The following ME2 variants were observed in gnomAD, a reference collection of about 807,000 sequenced individuals.
ME2 encodes malic enzyme 2.
ME2 carries 60 observed loss-of-function variants against 73.7 expected under a neutral mutation model. The observed-to-expected ratio is 0.81, with a 90% CI of 0.66 to 1.01. ME2 has a LOEUF of 1.01. ME2 is among the 50% of genes least tolerant of loss of function. ME2 has a pLI of 0.00. For synonymous variants in ME2, 199 were observed against 236.9 expected, an observed-to-expected ratio of 0.84 and a Z score of 1.47; for missense variants, 594 against 705.5, an observed-to-expected ratio of 0.84 and a Z score of 1.79.
intron 1 of ME2, among the ~76,000 whole-genome samples, chr18:50,885,334 A>G (rs1456419405): frequency 6.6e-6 from 1 of 152,166 alleles, no homozygotes. Flanking sequence ...CAGCCTGGGC[A>G]ACATAGCAAA....
chr18:50,933,475 A>G (rs1917745138), intron 13 of ME2: 1 of 151,928 alleles, frequency 6.6e-6, no homozygotes, highest in Admixed American at 6.6e-5. Context: ...TTTGCCCCTC[A>G]TGTTTTCCTA....
chr18:50,909,891 G>T (rs1917105539), intron 3 of ME2, among the ~76,000 whole-genome samples: 1 of 152,128 alleles, frequency 6.6e-6, no homozygotes, highest in Admixed American at 6.6e-5. Context: ...AGATAGAGTG[G>T]CTGGTCTTGA....
At chr18:50,908,040 A>G in intron 2 of ME2, 23 bp from the exon 3 acceptor site, 1 of 1,498,300 alleles carries the variant, frequency 6.7e-7, no homozygotes. Flanking sequence ...ATAATTTTTA[A>G]TCCTTTTATT....
At chr18:50,922,874 T>C (rs1917463200) in intron 10 of ME2, among the ~76,000 whole-genome samples, 1 of 152,236 alleles carries the variant, frequency 6.6e-6, no homozygotes, top group Non-Finnish European at 1.5e-5. Context: ...CCTGCTTTAC[T>C]AACCCCTGCA....
intron 1 of ME2, among the ~76,000 whole-genome samples, chr18:50,894,121 A>T (rs1034318770): frequency 6.6e-6 from 1 of 152,228 alleles, no homozygotes; most frequent in Non-Finnish European, 1.5e-5. Flanking sequence ...TAAGCCTCAT[A>T]CAAGTGGTCT....
At chr18:50,909,211 G>A (rs543399995) in intron 3 of ME2, among the ~76,000 whole-genome samples, 6 of 152,044 alleles carry the variant, frequency 3.9e-5, no homozygotes, top group South Asian at 4.1e-4. Flanking sequence ...CAATCTGCCC[G>A]CCTTGGCCTC....
chr18:50,925,667 T>G, intron 11 of ME2, 89 bp from the exon 12 acceptor site: 1 of 1,058,298 alleles, frequency 9.4e-7, no homozygotes, highest in African/African-American at 1.6e-5. Context: ...GTGTTTTTAT[T>G]ATTGTAGGCC....
chr18:50,901,275 C>T (rs1481849519), intron 2 of ME2, among the ~76,000 whole-genome samples: 1 of 152,176 alleles, frequency 6.6e-6, no homozygotes, highest in African/African-American at 2.4e-5. Context: ...TCTCCTGAAT[C>T]GTTTGCCTTC....
chr18:50,942,845 G>A, intron 15 of ME2: 3 of 240,748 alleles, frequency 1.2e-5, no homozygotes, highest in Non-Finnish European at 2.3e-5. Context: ...GAATTGTTGA[G>A]TTTTTAATTG....
At chr18:50,940,193 GT>G (rs1459241144) in intron 14 of ME2, 94 bp from the exon 15 acceptor site, 3 of 823,206 alleles carry the variant, frequency 3.6e-6, no homozygotes. Context: ...TATATTACCT[GT>G]TTTACTCTCT....
At chr18:50,930,825 A>G (rs1917675393) in intron 12 of ME2, among the ~76,000 whole-genome samples, 1 of 152,222 alleles carries the variant, frequency 6.6e-6, no homozygotes, top group Non-Finnish European at 1.5e-5. Context: ...ATCATCAAAG[A>G]AACAAAATTT....
At chr18:50,893,068 C>T (rs930770471) in intron 1 of ME2, among the ~76,000 whole-genome samples, 42 of 135,126 alleles carry the variant, frequency 3.1e-4, no homozygotes, top group African/African-American at 1.1e-3. Flanking sequence ...GAGGTTGTAG[C>T]GAGCCAAGAT....
At chr18:50,926,948 C>A (rs184817682) in intron 12 of ME2, among the ~76,000 whole-genome samples, 160 of 152,314 alleles carry the variant, frequency 1.1e-3, no homozygotes, top group African/African-American at 3.7e-3. Flanking sequence ...TTTTTACTCT[C>A]TTCAAATGCA....
chr18:50,879,453 G>C (rs1916259178), intron 1 of ME2, 145 bp downstream of exon 1: 1 of 152,350 alleles, frequency 6.6e-6, no homozygotes, highest in South Asian at 2.1e-4. Flanking sequence ...CTGGCGGTGG[G>C]GGCTGGGGGA....
At chr18:50,905,548 G>T (rs535286800) in intron 2 of ME2, among the ~76,000 whole-genome samples, 5 of 152,322 alleles carry the variant, frequency 3.3e-5, no homozygotes, top group Admixed American at 6.5e-5. Context: ...ACCCCAGGTT[G>T]TGGGGGCACA....
intron 12 of ME2, among the ~76,000 whole-genome samples, chr18:50,929,452 C>G (rs1458067112): frequency 6.8e-6 from 1 of 147,196 alleles, no homozygotes; most frequent in Non-Finnish European, 1.5e-5. Context: ...CGTGCCACTG[C>G]ACTCCAGCCT....
At chr18:50,922,701 A>G (rs1280613086) in intron 10 of ME2, among the ~76,000 whole-genome samples, 2 of 152,208 alleles carry the variant, frequency 1.3e-5, no homozygotes, top group East Asian at 1.9e-4. Context: ...ATCAGATTAT[A>G]TATTTCTTTT....
intron 1 of ME2, among the ~76,000 whole-genome samples, chr18:50,891,784 C>T (rs548999177): frequency 1.1e-4 from 17 of 151,906 alleles, no homozygotes; most frequent in African/African-American, 3.9e-4. Context: ...CTCCATGACA[C>T]CAGGACGCCC....
intron 14 of ME2, 44 bp from the exon 15 acceptor site, chr18:50,940,244 T>C: frequency 7.6e-7 from 1 of 1,318,342 alleles, no homozygotes; most frequent in African/African-American, 1.5e-5. Context: ...GTCCTTATTC[T>C]GTTATTTAAA....
Sources: allele counts gnomAD v4.1 joint callset (sites outside exome capture counted in the v4.1 genomes callset), GRCh38; gene constraint gnomAD v4.1.1; transcripts MANE v1.5; gene names NCBI Gene and HGNC (gene_info 2026-07-23, HGNC 2026-07-21).